Variants in POU3F3 observed in about 807,000 individuals in gnomAD.
The protein encoded by POU3F3 is POU domain, class 3, transcription factor 3.
POU3F3 carries 1 observed loss-of-function variant against 8.6 expected under a neutral mutation model. The observed-to-expected ratio is 0.12, with a 90% CI of 0.04 to 0.55. POU3F3 has a LOEUF of 0.55. POU3F3 is among the 20% of genes least tolerant of loss of function. The pLI is 0.91. For missense variants in POU3F3, 577 were observed against 690.7 expected, an observed-to-expected ratio of 0.84 and a Z score of 1.84; for synonymous variants, 418 against 327.4, an observed-to-expected ratio of 1.28 and a Z score of -2.99.
At chr2:104,890,741 C>T in the POU3F3 span, among the ~76,000 whole-genome samples, 88 of 152,314 alleles carry the variant, frequency 5.8e-4, no homozygotes, top group Non-Finnish European at 1.1e-3. Flanking sequence ...TGATATGTTC[C>T]TCCACACTCG....
the POU3F3 span, among the ~76,000 whole-genome samples, chr2:104,918,306 T>A: frequency 6.6e-6 from 1 of 152,240 alleles, no homozygotes; most frequent in Non-Finnish European, 1.5e-5. Flanking sequence ...AAATTATTTA[T>A]CCTTGACATA....
At chr2:104,853,778 T>C (rs1286317467), upstream of POU3F3, 3 of 151,812 alleles carry the variant, frequency 2.0e-5, no homozygotes, top group East Asian at 1.9e-4. Context: ...CCCAGACCTA[T>C]TGCGAACGCC....
At chr2:104,911,966 T>C in the POU3F3 span, among the ~76,000 whole-genome samples, 1 of 152,204 alleles carries the variant, frequency 6.6e-6, no homozygotes, top group African/African-American at 2.4e-5. Flanking sequence ...CCAAAAGTCT[T>C]TATCCTGAAG....
chr2:104,914,431 G>A, the POU3F3 span, among the ~76,000 whole-genome samples: 1 of 152,208 alleles, frequency 6.6e-6, no homozygotes, highest in East Asian at 1.9e-4. Flanking sequence ...CAGAAGCCTA[G>A]ACTGTGAGAC....
chr2:104,898,172 TGAG>T, the POU3F3 span, among the ~76,000 whole-genome samples: 2 of 152,116 alleles, frequency 1.3e-5, no homozygotes, highest in Non-Finnish European at 2.9e-5. Context: ...CTCCACCCAC[TGAG>T]GACACGTGGA....
At chr2:104,883,350 T>C in the POU3F3 span, among the ~76,000 whole-genome samples, 1 of 152,234 alleles carries the variant, frequency 6.6e-6, no homozygotes, top group Non-Finnish European at 1.5e-5. Context: ...TGGATTCACT[T>C]TGAGCAATAG....
the POU3F3 span, among the ~76,000 whole-genome samples, chr2:104,910,891 A>G: frequency 1.3e-5 from 2 of 152,184 alleles, no homozygotes; most frequent in Non-Finnish European, 2.9e-5. Flanking sequence ...AAAAACAATA[A>G]AAAAATACAA....
chr2:104,898,413 A>G, the POU3F3 span, among the ~76,000 whole-genome samples: 1 of 152,248 alleles, frequency 6.6e-6, no homozygotes, highest in Non-Finnish European at 1.5e-5. Context: ...AAATATGATT[A>G]TAGAATAAAA....
the POU3F3 span, among the ~76,000 whole-genome samples, chr2:104,922,761 C>G: frequency 5.9e-5 from 9 of 151,960 alleles, no homozygotes; most frequent in Non-Finnish European, 1.3e-4. Flanking sequence ...AAATAATGAC[C>G]AAAAACTTTC....
At chr2:104,880,768 A>G in the POU3F3 span, among the ~76,000 whole-genome samples, 1 of 152,084 alleles carries the variant, frequency 6.6e-6, no homozygotes, top group African/African-American at 2.4e-5. Flanking sequence ...TCTCTCAGCA[A>G]TGCCCGAGAG....
chr2:104,887,062 T>C, the POU3F3 span, among the ~76,000 whole-genome samples: 76 of 152,342 alleles, frequency 5.0e-4, 1 homozygote, highest in African/African-American at 1.8e-3. Context: ...GGATTATCTG[T>C]GTCTTCCCTT....
At chr2:104,890,147 C>T in the POU3F3 span, among the ~76,000 whole-genome samples, 1 of 152,114 alleles carries the variant, frequency 6.6e-6, no homozygotes, top group Non-Finnish European at 1.5e-5. Context: ...CTCTGACCAG[C>T]GTGCGCACTG....
At chr2:104,912,094 C>T in the POU3F3 span, among the ~76,000 whole-genome samples, 4 of 152,280 alleles carry the variant, frequency 2.6e-5, no homozygotes, top group South Asian at 8.3e-4. Context: ...CTGCCTCCAG[C>T]ACCCAGGGTG....
At chr2:104,927,746 CAAAAAAAAAAAAAA>C in the POU3F3 span, among the ~76,000 whole-genome samples, 4 of 79,460 alleles carry the variant, frequency 5.0e-5, no homozygotes, top group Admixed American at 5.8e-4. Context: ...GACCTTGTCT[CAAAAAAAAAAAAAA>C]AAAAAAAAAA....
At chr2:104,894,365 T>C in the POU3F3 span, among the ~76,000 whole-genome samples, 5 of 152,254 alleles carry the variant, frequency 3.3e-5, no homozygotes, top group African/African-American at 1.2e-4. Context: ...TTAAGCTTTT[T>C]CCTATGATTC....
the POU3F3 span, among the ~76,000 whole-genome samples, chr2:104,885,954 G>A: frequency 1.3e-5 from 2 of 151,954 alleles, no homozygotes; most frequent in Admixed American, 6.6e-5. Context: ...CTGCAATCAC[G>A]CCCGGCTAAT....
rs1015526202 is a variant in POU3F3, at chr2:104,854,548, C to T, written c.-963C>T. ...AATTTTTTCCTTGTTATATTTGTTT[C>T]CTAATTTCTGCCCAAAAGGAAAGAT... On this transcript the variant is annotated 5_prime_UTR_variant, in exon 1 of 1. Transcript: ENST00000361360. This position sits in a 1 kb window ranked among gnomAD's most constrained non-coding sequence, Gnocchi z 4.5. 6.6e-6 allele frequency among the ~76,000 whole-genome samples: 1 copy of T among 152,180 alleles called. No individual in the cohort carries two copies. Among genetic ancestry groups the T allele is most frequent in the Admixed American group, 6.5e-5 (1 of 15,282 alleles).
chr2:104,912,113 G>A, the POU3F3 span, among the ~76,000 whole-genome samples: 2 of 152,118 alleles, frequency 1.3e-5, no homozygotes, highest in Admixed American at 1.3e-4. Flanking sequence ...TGCCGTCATG[G>A]GAGCCATCCC....
the POU3F3 span, among the ~76,000 whole-genome samples, chr2:104,921,574 G>A: frequency 6.6e-6 from 1 of 152,064 alleles, no homozygotes; most frequent in African/African-American, 2.4e-5. Context: ...TCCAGGGTGG[G>A]CAAAAAGGAC....
Sources: allele counts gnomAD v4.1 joint callset (sites outside exome capture counted in the v4.1 genomes callset), GRCh38; gene constraint gnomAD v4.1.1; non-coding constraint Gnocchi (gnomAD v3.1); transcripts MANE v1.5; gene names NCBI Gene and HGNC (gene_info 2026-07-23, HGNC 2026-07-21).